VMP1: variants seen among roughly 807,000 people sequenced by gnomAD.
VMP1 encodes ectopic P-granules autophagy protein 3 homolog.
VMP1 carries 11 observed loss-of-function variants against 56.0 expected under a neutral mutation model. That is an observed-to-expected ratio of 0.20 (90% CI 0.12 to 0.32). The LOEUF is 0.32. Ranked by LOEUF, VMP1 falls within the 10% of genes least tolerant of loss-of-function variation. The pLI is 1.00. For synonymous variants in VMP1, 149 were observed against 165.0 expected, an observed-to-expected ratio of 0.90 and a Z score of 0.74; for missense variants, 296 against 490.3, an observed-to-expected ratio of 0.60 and a Z score of 3.74.
intron 6 of VMP1, among the ~76,000 whole-genome samples, chr17:59,772,188 G>A (rs1184216094): frequency 1.3e-5 from 2 of 151,528 alleles, no homozygotes; most frequent in Non-Finnish European, 2.9e-5. Flanking sequence ...TTGGGGTTTC[G>A]CCATGTTGCC....
At chr17:59,737,991 C>T (rs957672856) in intron 4 of VMP1, among the ~76,000 whole-genome samples, 73 of 152,090 alleles carry the variant, frequency 4.8e-4, no homozygotes, top group Admixed American at 7.9e-4. Flanking sequence ...AGGCTGGTCT[C>T]AAACTCCTGA....
chr17:59,826,040 G>A (rs189408993), intron 10 of VMP1, among the ~76,000 whole-genome samples: 2 of 152,320 alleles, frequency 1.3e-5, no homozygotes, highest in African/African-American at 2.4e-5. Flanking sequence ...ATGGAAGTGT[G>A]GAACCCCAGC....
At chr17:59,799,699 A>G (rs2144163530) in intron 7 of VMP1, among the ~76,000 whole-genome samples, 1 of 152,322 alleles carries the variant, frequency 6.6e-6, no homozygotes, top group African/African-American at 2.4e-5. Flanking sequence ...GCAGTGGCTC[A>G]CGCCTGAAAT....
intron 1 of VMP1, among the ~76,000 whole-genome samples, chr17:59,712,208 T>C (rs1319426816): frequency 2.0e-5 from 3 of 152,228 alleles, no homozygotes; most frequent in Non-Finnish European, 2.9e-5. Flanking sequence ...CAGCCCTCTT[T>C]TAAAAGCATA....
intron 7 of VMP1, 119 bp from the exon 8 acceptor site, chr17:59,808,677 A>T: frequency 1.4e-6 from 1 of 732,394 alleles, no homozygotes; most frequent in Middle Eastern, 3.8e-4. Flanking sequence ...AATTTTTTTC[A>T]TCATTCATCT....
At chr17:59,839,743 C>T (rs1320811784) in intron 11 of VMP1, 25 bp from the exon 12 acceptor site, 3 of 1,592,300 alleles carry the variant, frequency 1.9e-6, no homozygotes, top group South Asian at 1.1e-5. Flanking sequence ...TTTTTCATTG[C>T]ATTGTTCTGC....
At chr17:59,836,117 C>G (rs1262998968) in intron 10 of VMP1, among the ~76,000 whole-genome samples, 1 of 151,322 alleles carries the variant, frequency 6.6e-6, no homozygotes, top group African/African-American at 2.4e-5. Flanking sequence ...CACAGGTCTT[C>G]TAGTCTGATC....
rs112275511 is a variant in VMP1 at position 59,840,012 on chromosome 17, T to C, written c.*101T>C. 21 of 1,492,872 alleles carry C rather than the reference T, an allele frequency of 1.4e-5. No individual in the cohort carries two copies. In the African/African-American group the frequency reaches 1.9e-4, roughly 13 times the overall value. 92.5% of individuals were successfully genotyped at this position (1,492,872 alleles called of 1,614,324 possible). ...GGAAAATTCCCTTTTCCAACCTGTA[T>C]CAATTTTTACAACTTTTTTCCTGAA... On this transcript the variant is annotated 3_prime_UTR_variant, in exon 12 of 12. Coordinates refer to ENST00000262291, the MANE Select transcript of VMP1 (RefSeq NM_030938.5).
At chr17:59,751,521 C>G (rs1598338601) in intron 5 of VMP1, among the ~76,000 whole-genome samples, 2 of 151,634 alleles carry the variant, frequency 1.3e-5, no homozygotes, top group African/African-American at 4.8e-5. Context: ...GTGGGTGGAT[C>G]ACCTGAGGTC....
intron 1 of VMP1, chr17:59,729,759 C>T (rs2034752157): frequency 2.0e-5 from 3 of 147,830 alleles, no homozygotes; most frequent in Non-Finnish European, 3.0e-5. Context: ...GATCTTGGCT[C>T]ACTGCAACCT....
chr17:59,750,301 A>ATTT (rs1243524540), intron 5 of VMP1, among the ~76,000 whole-genome samples: 1 of 124,934 alleles, frequency 8.0e-6, no homozygotes. Context: ...CACAATGAAT[A>ATTT]ATTTTTTTTT....
At chr17:59,818,752 A>C (rs1299251886) in intron 10 of VMP1, among the ~76,000 whole-genome samples, 1 of 152,208 alleles carries the variant, frequency 6.6e-6, no homozygotes, top group Non-Finnish European at 1.5e-5. Flanking sequence ...AAAAAAAATT[A>C]ATTAAAATAA....
Position 59,710,524 on chromosome 17 carries a change from G to A in VMP1, c.-27+2776G>A, listed in dbSNP as rs1325714159. On this transcript the variant is annotated intron_variant, in intron 1 of 11. Transcript: ENST00000262291. ...CATACACACGTAAATACACACATAC[G>A]CACATAAGCCTTATTTACAAACTTT... Among the ~76,000 whole-genome samples the A allele has an allele frequency of 2.0e-5, 3 of 152,114 alleles. No homozygotes were observed. In the East Asian group the frequency reaches 5.8e-4, roughly 29 times the overall value.
At chr17:59,784,478 T>C (rs1465716434) in intron 7 of VMP1, among the ~76,000 whole-genome samples, 1 of 152,152 alleles carries the variant, frequency 6.6e-6, no homozygotes, top group Non-Finnish European at 1.5e-5. Flanking sequence ...CCCAGCTATG[T>C]CTTTCTTGTG....
At chr17:59,807,661 C>T (rs1368057531) in intron 7 of VMP1, among the ~76,000 whole-genome samples, 1 of 151,678 alleles carries the variant, frequency 6.6e-6, no homozygotes, top group Non-Finnish European at 1.5e-5. Context: ...GGTGAAACCT[C>T]GTCTCTACTA....
At chr17:59,743,337 T>A (rs1363536596) in intron 5 of VMP1, among the ~76,000 whole-genome samples, 1 of 152,170 alleles carries the variant, frequency 6.6e-6, no homozygotes, top group Non-Finnish European at 1.5e-5. Flanking sequence ...CAGAAGACAC[T>A]ATAGTTGGAA....
At chr17:59,817,964 T>C (rs560011155) in intron 10 of VMP1, among the ~76,000 whole-genome samples, 191 bp downstream of exon 10, 1 of 152,276 alleles carries the variant, frequency 6.6e-6, no homozygotes, top group East Asian at 1.9e-4. Context: ...GCTTACATTA[T>C]CCCTGTTTAA....
chr17:59,781,782 CT>C (rs1435562630), intron 7 of VMP1, among the ~76,000 whole-genome samples: 1 of 151,916 alleles, frequency 6.6e-6, no homozygotes, highest in Non-Finnish European at 1.5e-5. Flanking sequence ...GTGCATATAT[CT>C]TTTTTATGAT....
chr17:59,816,720 A>T (rs977938670), intron 9 of VMP1, among the ~76,000 whole-genome samples: 2 of 151,628 alleles, frequency 1.3e-5, no homozygotes, highest in African/African-American at 2.4e-5. Context: ...CAGGTGGATC[A>T]CCAGGTCAGG....
Sources: allele counts gnomAD v4.1 joint callset (sites outside exome capture counted in the v4.1 genomes callset), GRCh38; gene constraint gnomAD v4.1.1; transcripts MANE v1.5; gene names NCBI Gene and HGNC (gene_info 2026-07-23, HGNC 2026-07-21).